MTOR: variants seen among roughly 807,000 people sequenced by gnomAD.
The protein encoded by MTOR is serine/threonine-protein kinase mTOR.
A neutral mutation model predicts 319.8 loss-of-function variants in MTOR; 70 were observed. That is an observed-to-expected ratio of 0.22 (90% CI 0.18 to 0.27). The LOEUF (loss-of-function observed/expected upper bound fraction) is 0.27. Among genes scored for constraint, MTOR ranks in the 10% least tolerant of loss-of-function variants. The probability of loss-of-function intolerance (pLI) is 1.00; values close to 1 mark genes in which losing one functional copy is unlikely to be tolerated. For missense variants in MTOR, 1,890 were observed against 3,274.4 expected (o/e 0.58, Z 10.32); for synonymous variants, 1,183 against 1,211.4 (o/e 0.98, Z 0.49).
chr1:11,233,456 G>A lies in MTOR; in HGVS notation c.2363C>T (p.Pro788Leu), dbSNP rs745787136. The A allele has an allele frequency of 5.6e-6, 9 of 1,614,120 alleles. No homozygotes were observed. The highest frequency in any genetic ancestry group is 7.6e-6 in the Non-Finnish European group (9 of 1,180,006). ...ALILKLKDPD[P>L]DPNPGVINNV... ...ATTGATCACACCTGGGTTTGGATCA[G>A]GGTCTGGATCTTTCAGTTTCAAAAT... Residue 788 changes from proline (P) to leucine (L), a missense_variant, in exon 15 of 58, where the codon CCT becomes CTT. Pro to Leu is a moderately conservative substitution (Grantham distance 98, BLOSUM62 -3). Around this residue, in one of 15 missense-constraint regions of MTOR, gnomAD observed 377 missense variants for 653.9 expected, o/e 0.58. Coordinates refer to ENST00000361445, the MANE Select transcript of MTOR (RefSeq NM_004958.4).
intron 20 of MTOR, among the ~76,000 whole-genome samples, chr1:11,213,795 G>A (rs896857959): frequency 3.3e-5 from 5 of 152,122 alleles, no homozygotes; most frequent in African/African-American, 9.7e-5. Flanking sequence ...TCAGTCCTCT[G>A]GGCTTTGCTC....
rs1239235559 is a variant in MTOR, at chr1:11,248,086, T to C, written c.849A>G (p.Arg283=). The C allele has an allele frequency of 6.2e-7, 1 of 1,606,148 alleles. No individual in the cohort carries two copies. Among genetic ancestry groups the C allele is most frequent in the Non-Finnish European group, 8.5e-7 (1 of 1,174,834 alleles). ...GCTGTGTGATTTCTTCCATTTCTTCTCTCAGACGCTATATATATGAGGAGG... is the reference window on the plus strand; with the variant it reads ...GCTGTGTGATTTCTTCCATTTCTTCCCTCAGACGCTATATATATGAGGAGG... The part of the protein sequence containing the change: ...RISSMEGERL[R]EEMEEITQQQ... The change falls in exon 7 of 58, where the codon AGA becomes AGG. Residue 283 remains arginine (R), a synonymous_variant. Coordinates refer to ENST00000361445, the MANE Select transcript of MTOR (RefSeq NM_004958.4).
intron 31 of MTOR, among the ~76,000 whole-genome samples, chr1:11,148,678 G>A (rs1034256829): frequency 6.6e-6 from 1 of 151,984 alleles, no homozygotes; most frequent in Non-Finnish European, 1.5e-5. Context: ...GAGGAGGATG[G>A]ATCACGAGAT....
intron 52 of MTOR, 29 bp from the exon 53 acceptor site, chr1:11,114,482 A>C: frequency 6.2e-7 from 1 of 1,613,294 alleles, no homozygotes; most frequent in African/African-American, 1.3e-5. Flanking sequence ...CACTCACCAC[A>C]GGAGTTACTA....
At chr1:11,226,847 G>C (rs1022429289) in intron 19 of MTOR, among the ~76,000 whole-genome samples, 1 of 152,036 alleles carries the variant, frequency 6.6e-6, no homozygotes, top group Non-Finnish European at 1.5e-5. Context: ...TTTCCTTACT[G>C]TGTCACTAAG....
rs2100866454 is a variant in MTOR at position 11,231,054 on chromosome 1, C to T, written c.2650G>A (p.Ala884Thr). 6.2e-7 allele frequency: 1 copy of T among 1,614,110 alleles called. No individual in the cohort carries two copies. The highest frequency in any genetic ancestry group is 8.5e-7 in the Non-Finnish European group (1 of 1,180,008). Residue 884 changes from alanine (A) to threonine (T), a missense_variant and splice_region_variant, in exon 18 of 58, where the codon GCC becomes ACC. Coordinates refer to ENST00000361445, the MANE Select transcript of MTOR (RefSeq NM_004958.4). ...TEQNQGTRRE[A>T]IRVLGLLGAL... Reference sequence around the variant, plus strand: ...CCTAAAAGCCCTAACACACGGATGGCCTGCGTGGGAAAGGGGAGGGAAAAA... The same window carrying T: ...CCTAAAAGCCCTAACACACGGATGGTCTGCGTGGGAAAGGGGAGGGAAAAA...
rs1169916760 is a variant in MTOR at position 11,109,398 on chromosome 1, G to C, written c.7448-28C>G. On this transcript the variant is annotated intron_variant, in intron 55 of 57. Coordinates refer to ENST00000361445, the MANE Select transcript of MTOR (RefSeq NM_004958.4). This position sits in a 1 kb window ranked among gnomAD's most constrained non-coding sequence, Gnocchi z 4.0. ...GGAATACACAAAAGTAGAAATAACTGTAAGAATGGGAGCAATACAACAGGT... is the reference window on the plus strand; with the variant it reads ...GGAATACACAAAAGTAGAAATAACTCTAAGAATGGGAGCAATACAACAGGT... 6.2e-7 allele frequency: 1 copy of C among 1,602,794 alleles called. No individual in the cohort carries two copies. Among genetic ancestry groups the C allele is most frequent in the Non-Finnish European group, 8.5e-7 (1 of 1,170,396 alleles).
rs1557475839 is a variant in MTOR, at chr1:11,243,315, G to A, written c.1226-15C>T. The A allele has an allele frequency of 6.2e-7, 1 of 1,611,960 alleles. No homozygotes were observed. Among genetic ancestry groups the A allele is most frequent in the Non-Finnish European group, 8.5e-7 (1 of 1,178,662 alleles). On this transcript the variant is annotated splice_polypyrimidine_tract_variant and intron_variant, in intron 8 of 57. Transcript: ENST00000361445. ...ATACTGGGTATCTGAGCACAGAAAA[G>A]ACAAAGTAGATAGCTCCAGGTCAGG...
rs1388273744 is a variant in MTOR, at chr1:11,128,197, G to A, written c.5911-71C>T. 8 of 1,584,066 alleles carry A rather than the reference G, an allele frequency of 5.1e-6. No homozygotes were observed. Among genetic ancestry groups the A allele is most frequent in the South Asian group, 1.1e-5 (1 of 86,970 alleles). ...GGGAAGAGCTGGTATGAATTTTAAG[G>A]AGAATAACAAAACAAGTGGTGAGTG... On this transcript the variant is annotated intron_variant, in intron 42 of 57. Coordinates refer to ENST00000361445, the MANE Select transcript of MTOR (RefSeq NM_004958.4). This position sits in a 1 kb window ranked among gnomAD's most constrained non-coding sequence, Gnocchi z 5.3.
At chr1:11,114,201 C>T (rs1269547510) in intron 53 of MTOR, 117 bp downstream of exon 53, 3 of 1,283,488 alleles carry the variant, frequency 2.3e-6, no homozygotes, top group African/African-American at 2.9e-5. Flanking sequence ...TACTATGTTG[C>T]CCAGGCTGGT....
In MTOR at chr1:11,166,809, G is replaced by A. The variant is rs559758301; in HGVS notation, c.4329+633C>T. On this transcript the variant is annotated intron_variant, in intron 29 of 57. Coordinates refer to ENST00000361445, the MANE Select transcript of MTOR (RefSeq NM_004958.4). ...CACATGCACACATGAGGTTTATTGC[G>A]GCACTATTCACAATAGCAAAGACTT... 1.1e-3 allele frequency among the ~76,000 whole-genome samples: 171 copies of A among 152,118 alleles called. 1 individual carries two copies. The highest frequency in any genetic ancestry group is 5.0e-3 in the South Asian group (24 of 4,818).
At chr1:11,211,797 A>G (rs1426180986) in intron 23 of MTOR, among the ~76,000 whole-genome samples, 1 of 152,128 alleles carries the variant, frequency 6.6e-6, no homozygotes, top group Non-Finnish European at 1.5e-5. Context: ...CATCACCTTA[A>G]CTACAAGCAC....
chr1:11,204,322 C>T (rs1478800370), intron 26 of MTOR, among the ~76,000 whole-genome samples: 1 of 152,002 alleles, frequency 6.6e-6, no homozygotes, highest in South Asian at 2.1e-4. Flanking sequence ...TTATAAATAA[C>T]TTTGTAATTA....
rs1642882849 is a variant in MTOR at position 11,127,248 on chromosome 1, GC to G, written c.6217-105del. On this transcript the variant is annotated intron_variant, in intron 44 of 57. Coordinates refer to ENST00000361445, the MANE Select transcript of MTOR (RefSeq NM_004958.4). The surrounding 1 kb of genome is among the most constrained non-coding windows in gnomAD (Gnocchi z 5.5). ...AGATATTCCTCAGGAGCCCGCTGTG[GC>G]CTGAAAACACTGGCAGGGGGCTGGA... is the stretch of plus-strand genomic sequence containing the variant. 3.3e-6 allele frequency: 5 copies of G among 1,494,172 alleles called. No homozygotes were observed. The highest frequency in any genetic ancestry group is 4.5e-6 in the Non-Finnish European group (5 of 1,103,518). 92.6% of individuals were successfully genotyped at this position (1,494,172 alleles called of 1,614,324 possible). A position where few individuals can be genotyped will look rare whatever the true frequency, so the allele number is the denominator to read the frequency against.
intron 6 of MTOR, among the ~76,000 whole-genome samples, chr1:11,248,956 G>C (rs1371274758): frequency 6.6e-6 from 1 of 151,778 alleles, no homozygotes; most frequent in Non-Finnish European, 1.5e-5. Flanking sequence ...TCAGGCGCAA[G>C]GGCTCACGCC....
At chr1:11,176,135 A>G (rs1483613515) in intron 28 of MTOR, among the ~76,000 whole-genome samples, 1 of 152,184 alleles carries the variant, frequency 6.6e-6, no homozygotes, top group Non-Finnish European at 1.5e-5. Context: ...ACCCACAGCA[A>G]AGCAGTCTAA....
chr1:11,250,228 C>CT (rs1265238329), intron 6 of MTOR, among the ~76,000 whole-genome samples: 6 of 27,292 alleles, frequency 2.2e-4, no homozygotes, highest in Non-Finnish European at 1.2e-3. Context: ...GGGGGGCTGA[C>CT]CCCCCACCTC....
intron 47 of MTOR, among the ~76,000 whole-genome samples, chr1:11,124,176 T>TA (rs1401049451): frequency 6.6e-6 from 1 of 151,978 alleles, no homozygotes. Flanking sequence ...GTGATCCTCC[T>TA]ACCTTGGCAT....
intron 29 of MTOR, among the ~76,000 whole-genome samples, chr1:11,166,690 T>C (rs1364021651): frequency 6.6e-6 from 1 of 152,210 alleles, no homozygotes. Context: ...GTGTGGCGAT[T>C]CCTCAAGGAT....
Sources: gnomAD v4.1 joint callset for allele counts (sites outside exome capture counted in the v4.1 genomes callset) on GRCh38, gnomAD v4.1.1 for gene constraint, gnomAD v4.1.1 regional missense constraint, Gnocchi (gnomAD v3.1) non-coding constraint, MANE v1.5 for transcripts, NCBI Gene and HGNC (gene_info 2026-07-23, HGNC 2026-07-21) for gene names.